GPM6B: variants seen among roughly 807,000 people sequenced by gnomAD.
GPM6B encodes the protein neuronal membrane glycoprotein M6-b.
GPM6B carries 4 observed loss-of-function variants against 27.2 expected under a neutral mutation model. That is an observed-to-expected ratio of 0.15 (90% CI 0.07 to 0.34). The LOEUF (loss-of-function observed/expected upper bound fraction) is 0.34. GPM6B is among the 10% of genes least tolerant of loss of function. GPM6B has a pLI of 1.00. For synonymous variants in GPM6B, 124 were observed against 103.1 expected, an observed-to-expected ratio of 1.20 and a Z score of -1.23; for missense variants, 183 against 261.9, an observed-to-expected ratio of 0.70 and a Z score of 2.08.
Position 13,773,953 on chromosome X carries a change from CTTTTTTT to C in GPM6B, c.838-930_838-924del, listed in dbSNP as rs772367299. ...AAAAAAAACTACCCACATATAAATC[CTTTTTTT>C]TTTTTTTTTTTTTTTTTTTCCAGAG... On this transcript the variant is annotated intron_variant, in intron 7 of 7. Transcript: ENST00000316715. The C allele has an allele frequency of 1.1e-3, 470 of 436,174 alleles. 2 individuals carry two copies. The African/African-American group carries it at 0.018, about 17-fold the overall frequency. The allele number at this position is 436,174 out of a possible 1,213,427, so 35.9% of individuals were successfully genotyped here.
At chrX:13,853,073 C>T (rs1016137080) in intron 1 of GPM6B, among the ~76,000 whole-genome samples, 1 of 111,170 alleles carries the variant, frequency 9.0e-6, no homozygotes, top group South Asian at 3.8e-4. Flanking sequence ...AACATGTCCT[C>T]GACAAGGGTT....
chrX:13,838,742 C>T (rs1353254356), intron 1 of GPM6B, among the ~76,000 whole-genome samples: 1 of 111,670 alleles, frequency 9.0e-6, no homozygotes, highest in Non-Finnish European at 1.9e-5. Flanking sequence ...TGGCAAGGGA[C>T]CATGTGCTTG....
At chrX:13,826,387 T>C (rs2049372640) in intron 1 of GPM6B, among the ~76,000 whole-genome samples, 1 of 111,188 alleles carries the variant, frequency 9.0e-6, no homozygotes, top group African/African-American at 3.3e-5. Context: ...GAGGACCAAA[T>C]GATCGGTTTT....
intron 1 of GPM6B, among the ~76,000 whole-genome samples, chrX:13,844,696 G>C (rs760157716): frequency 1.8e-5 from 2 of 111,844 alleles, no homozygotes; most frequent in East Asian, 5.6e-4. Context: ...ACTTCAGTAA[G>C]ACAAAATATT....
At chrX:13,834,111 T>C (rs1428248107) in intron 1 of GPM6B, among the ~76,000 whole-genome samples, 2 of 112,709 alleles carry the variant, frequency 1.8e-5, no homozygotes, top group Admixed American at 1.9e-4. Flanking sequence ...CCCAGAATTC[T>C]AAAACAGGAG....
chrX:13,812,856 A>T (rs1394113124), intron 1 of GPM6B: 1 of 110,226 alleles, frequency 9.1e-6, no homozygotes, highest in Non-Finnish European at 1.9e-5. Flanking sequence ...AATAATGTAA[A>T]AGTAGAAGAT....
intron 1 of GPM6B, among the ~76,000 whole-genome samples, chrX:13,854,540 T>TA (rs767682659): frequency 7.1e-5 from 8 of 112,345 alleles, no homozygotes; most frequent in South Asian, 3.7e-4. Context: ...CCTGTGCTTT[T>TA]AAAAAATAAG....
At chrX:13,897,009 T>G (rs2050239789) in intron 1 of GPM6B, among the ~76,000 whole-genome samples, 1 of 112,547 alleles carries the variant, frequency 8.9e-6, no homozygotes, top group African/African-American at 3.2e-5. Flanking sequence ...GAAACACAAA[T>G]AAAGAACATT....
upstream of GPM6B, among the ~76,000 whole-genome samples, chrX:13,817,524 C>T (rs1429620764): frequency 8.9e-6 from 1 of 112,534 alleles, no homozygotes; most frequent in Non-Finnish European, 1.9e-5. Context: ...ATGACACTTT[C>T]TTTCCTGTGT....
At chrX:13,917,047 A>G (rs1316851583) in intron 1 of GPM6B, among the ~76,000 whole-genome samples, 1 of 110,405 alleles carries the variant, frequency 9.1e-6, no homozygotes, top group East Asian at 2.8e-4. Flanking sequence ...CCCCATCTCT[A>G]CAAAAAACAC....
upstream of GPM6B, among the ~76,000 whole-genome samples, chrX:13,820,353 G>T (rs1043403733): frequency 1.2e-4 from 13 of 110,917 alleles, no homozygotes; most frequent in African/African-American, 3.9e-4. Context: ...TTCTAGCTTG[G>T]GTGAGTGAGG....
In GPM6B at chrX:13,789,843, T is replaced by C. The variant is rs191067512; in HGVS notation, c.182-4035A>G. The stretch of plus-strand genomic sequence containing the variant: ...ATCATGGGAAGCCACTGCGTTTTTT[T>C]TTTGTTTTGTTTTGTTTTTTGAAAC... On this transcript the variant is annotated intron_variant, in intron 2 of 7. Transcript: ENST00000316715. Among the ~76,000 whole-genome samples the C allele has an allele frequency of 6.3e-3, 701 of 110,832 alleles. 18 individuals are homozygous for C. Among genetic ancestry groups the C allele is most frequent in the Admixed American group, 0.06 (631 of 10,522 alleles).
At chrX:13,899,435 T>C (rs147466613) in intron 1 of GPM6B, among the ~76,000 whole-genome samples, 13,535 of 96,301 alleles carry the variant, frequency 0.14, 909 homozygotes, top group Non-Finnish European at 0.15. Flanking sequence ...AAAAAAAGAT[T>C]GCATAGGGAG....
At chrX:13,913,510 T>G (rs1309697239) in intron 1 of GPM6B, among the ~76,000 whole-genome samples, 1 of 111,125 alleles carries the variant, frequency 9.0e-6, no homozygotes, top group Non-Finnish European at 1.9e-5. Context: ...TAGGCCTCAG[T>G]GTTCAATGTA....
intron 1 of GPM6B, among the ~76,000 whole-genome samples, chrX:13,840,364 T>C (rs1449354818): frequency 9.0e-6 from 1 of 111,182 alleles, no homozygotes; most frequent in Non-Finnish European, 1.9e-5. Flanking sequence ...CACCTCAGTG[T>C]GCTATGCTAG....
chrX:13,843,243 G>C (rs964318384), intron 1 of GPM6B, among the ~76,000 whole-genome samples: 2 of 111,699 alleles, frequency 1.8e-5, no homozygotes, highest in Non-Finnish European at 3.8e-5. Flanking sequence ...ATGTTTTCAA[G>C]GGTCATTGAT....
chrX:13,865,563 G>GAAAGAAAA (rs2049904573), intron 1 of GPM6B, among the ~76,000 whole-genome samples: 1 of 45,056 alleles, frequency 2.2e-5, no homozygotes, highest in East Asian at 9.0e-4. Context: ...AAAAAAAAAA[G>GAAAGAAAA]AAAGAAAGAA....
intron 1 of GPM6B, among the ~76,000 whole-genome samples, chrX:13,823,872 G>A (rs1369603976): frequency 8.9e-6 from 1 of 112,188 alleles, no homozygotes; most frequent in Non-Finnish European, 1.9e-5. Flanking sequence ...GGCACCAGCA[G>A]GCTGAGGCTT....
intron 1 of GPM6B, among the ~76,000 whole-genome samples, chrX:13,902,862 G>C (rs1373947752): frequency 8.9e-6 from 1 of 111,884 alleles, no homozygotes; most frequent in Admixed American, 9.5e-5. Context: ...GTCTCATAAA[G>C]AAGTTACTAA....
Sources: gnomAD v4.1 joint callset for allele counts (sites outside exome capture counted in the v4.1 genomes callset) on GRCh38, gnomAD v4.1.1 for gene constraint, MANE v1.5 for transcripts, NCBI Gene and HGNC (gene_info 2026-07-23, HGNC 2026-07-21) for gene names.